Variants in TDRD6 observed in about 807,000 individuals in gnomAD.
TDRD6 encodes tudor domain containing 6.
Under a neutral mutation model 157.5 loss-of-function variants are expected in TDRD6, and 186 were observed. The ratio of observed to expected loss-of-function variants is 1.18; its 90% CI spans 1.05 to 1.33. The LOEUF (loss-of-function observed/expected upper bound fraction) is 1.33. TDRD6 is among the 40% of genes most tolerant of loss of function. TDRD6 has a pLI of 0.00. For synonymous variants in TDRD6, 1,075 were observed against 945.2 expected (o/e 1.14, Z -2.52); for missense variants, 3,066 against 2,508.0 (o/e 1.22, Z -4.75).
At chr6:46,684,365 TTGTGTGTGTG>T (rs56327636), upstream of TDRD6, among the ~76,000 whole-genome samples, 67 of 147,092 alleles carry the variant, frequency 4.6e-4, no homozygotes, top group South Asian at 2.6e-3. Flanking sequence ...AAGCACACAT[TTGTGTGTGTG>T]TGTGTGTGTG....
upstream of TDRD6, among the ~76,000 whole-genome samples, chr6:46,683,735 GT>G (rs35373914): frequency 0.36 from 54,521 of 151,634 alleles, 9,993 homozygotes; most frequent in South Asian, 0.62. Context: ...CTTATTACAT[GT>G]TTCCTGTGGT....
In TDRD6 at chr6:46,691,305, A is replaced by G; in HGVS notation, c.3177A>G (p.Pro1059=). The change falls in exon 1 of 4, where the codon CCA becomes CCG. Residue 1059 remains proline (P), a synonymous_variant. Transcript: ENST00000316081. ...WYRGIVIEKE[P]KKVFFVDFGN... Reference sequence around the variant, plus strand: ...GGGGCATAGTAATAGAGAAAGAGCCAAAGAAAGTCTTCTTTGTTGATTTTG... The same window carrying G: ...GGGGCATAGTAATAGAGAAAGAGCCGAAGAAAGTCTTCTTTGTTGATTTTG... 6.2e-7 allele frequency: 1 copy of G among 1,614,122 alleles called. No individual in the cohort carries two copies. The highest frequency in any genetic ancestry group is 8.5e-7 in the Non-Finnish European group (1 of 1,179,970).
rs537058140 is a variant in TDRD6, at chr6:46,690,867, A to G, written c.2739A>G (p.Ala913=). 93 of 1,613,742 alleles carry G rather than the reference A, an allele frequency of 5.8e-5. No homozygotes were observed. The South Asian group carries it at 6.3e-4, about 11-fold the overall frequency. The change falls in exon 1 of 4, where the codon GCA becomes GCG. Residue 913 remains alanine (A), a synonymous_variant. Transcript: ENST00000316081. Reference sequence around the variant, plus strand: ...CTTTCAATGAATTTATAGATAATGCATGGCAAAAAAATCTAGAATTAAAAT... The same window carrying G: ...CTTTCAATGAATTTATAGATAATGCGTGGCAAAAAAATCTAGAATTAAAAT... ...IQAFNEFIDN[A]WQKNLELKCT...
rs906504767 is a variant in TDRD6 at position 46,690,288 on chromosome 6, A to G, written c.2160A>G (p.Ser720=). The change falls in exon 1 of 4, where the codon TCA becomes TCG. Residue 720 remains serine, a synonymous_variant. Transcript: ENST00000316081. Reference sequence around the variant, plus strand: ...GAGAGAATAAAACCACATCTGTTTCAAAAGCTTTGAGTGACACAACAGTTG... The same window carrying G: ...GAGAGAATAAAACCACATCTGTTTCGAAAGCTTTGAGTGACACAACAGTTG... ...AKRENKTTSV[S]KALSDTTVVT... is the part of the protein sequence containing the mutation. The G allele has an allele frequency of 2.5e-6, 4 of 1,613,472 alleles. No individual in the cohort carries two copies. The South Asian group carries it at 3.3e-5, about 13-fold the overall frequency.
At position 46,692,083 on chromosome 6, in the gene TDRD6, G is replaced by T. The variant is rs1217215655; in HGVS notation, c.3955G>T (p.Asp1319Tyr). The stretch of plus-strand genomic sequence containing the variant: ...TGTTTCTCATATAAATGACCTTTCA[G>T]ACTTTTATGTTCAACTAATAGAAGA... ...VYVSHINDLS[D>Y]FYVQLIEDEA... Residue 1319 changes from aspartate to tyrosine, a missense_variant, in exon 1 of 4, where the codon GAC becomes TAC. Coordinates refer to ENST00000316081, the MANE Select transcript of TDRD6 (RefSeq NM_001010870.3). 6.2e-7 allele frequency: 1 copy of T among 1,612,900 alleles called. No homozygotes were observed. Among genetic ancestry groups the T allele is most frequent in the Non-Finnish European group, 8.5e-7 (1 of 1,179,528 alleles).
Position 46,692,768 on chromosome 6 carries a change from T to C in TDRD6, c.4640T>C (p.Leu1547Ser), listed in dbSNP as rs764741702. The C allele has an allele frequency of 1.2e-6, 2 of 1,613,560 alleles. No individual in the cohort carries two copies. The highest frequency in any genetic ancestry group is 2.2e-5 in the East Asian group (1 of 44,870). ...GCTGATACGGAGAAACTTCAGTGTT[T>C]AGAAGTAGAAGTACAGACTGCTGGA... ...QFADTEKLQC[L>S]EVEVQTAGEQ... is the part of the protein sequence containing the mutation. Residue 1547 changes from leucine to serine, a missense_variant, in exon 1 of 4, where the codon TTA (leucine) becomes TCA (serine). Physicochemically the swap from Leu to Ser is moderately radical, Grantham distance 145. Transcript: ENST00000316081.
chr6:46,684,347 T>C (rs1291551120), upstream of TDRD6, among the ~76,000 whole-genome samples: 2 of 148,820 alleles, frequency 1.3e-5, no homozygotes, highest in Admixed American at 1.4e-4. Context: ...CCAAAGTCAC[T>C]AATTTATAAG....
In TDRD6 at chr6:46,690,067, G is replaced by A. The variant is rs760940782; in HGVS notation, c.1939G>A (p.Asp647Asn). The change falls in exon 1 of 4, where the codon GAC (aspartate) becomes AAC (asparagine). Residue 647 changes from aspartate (D) to asparagine (N), a missense_variant. Asp to Asn is a conservative substitution (Grantham distance 23). Transcript: ENST00000316081. ...QDHQYVIEIL[D>N]ESRTGEENIS... ...TCATCAATATGTTATTGAGATTCTT[G>A]ACGAATCAAGAACAGGGGAAGAAAA... 4 of 1,614,028 alleles carry A rather than the reference G, an allele frequency of 2.5e-6. No homozygotes were observed. In the South Asian group the frequency reaches 3.3e-5, roughly 13 times the overall value.
chr6:46,682,522 ATTAGAAAAGAAGACATG>A, the TDRD6 span, among the ~76,000 whole-genome samples: 1 of 151,924 alleles, frequency 6.6e-6, no homozygotes, highest in Non-Finnish European at 1.5e-5. Flanking sequence ...AGGCACATAT[ATTAGAAAAGAAGACATG>A]GAACTGCCTT....
Position 46,690,919 on chromosome 6 carries a change from A to C in TDRD6, c.2791A>C (p.Asn931His), listed in dbSNP as rs766298927. ...TACAATATTTGCTCTGGCTTCAATT[A>C]ATGAAGAACTGTTTAACATTGTGGA... ...KCTIFALASINEELFNIVDLL... is the reference protein window; with the variant it reads ...KCTIFALASIHEELFNIVDLL... The change falls in exon 1 of 4, where the codon AAT becomes CAT. Residue 931 changes from asparagine (N) to histidine (H), a missense_variant. Asn to His is a moderately conservative substitution (Grantham distance 68). Transcript: ENST00000316081. 5 of 1,614,108 alleles carry C rather than the reference A, an allele frequency of 3.1e-6. No individual in the cohort carries two copies. Among genetic ancestry groups the C allele is most frequent in the Non-Finnish European group, 4.2e-6 (5 of 1,179,982 alleles).
chr6:46,681,580 G>A, the TDRD6 span: 1 of 470,790 alleles, frequency 2.1e-6, no homozygotes, highest in Non-Finnish European at 4.4e-6. Context: ...GATAAAAGCA[G>A]ATGAAGATGC....
In TDRD6 at chr6:46,696,389, G is replaced by A. The variant is rs149264205; in HGVS notation, c.6171+444G>A. On this transcript the variant is annotated intron_variant, in intron 2 of 3. Transcript: ENST00000316081. ...TTCATTATTGTGTAAAACTTATTAG[G>A]GAGCCTGTTGATCGTGTTTCTCCCG... is the stretch of plus-strand genomic sequence containing the variant. 2.8e-3 allele frequency among the ~76,000 whole-genome samples: 409 copies of A among 148,574 alleles called. 2 individuals carry two copies. The highest frequency in any genetic ancestry group is 9.5e-3 in the African/African-American group (384 of 40,262).
At position 46,693,464 on chromosome 6, in the gene TDRD6, G is replaced by T; in HGVS notation, c.5336G>T (p.Gly1779Val). The T allele has an allele frequency of 1.2e-6, 2 of 1,613,914 alleles. No individual in the cohort carries two copies. Among genetic ancestry groups the T allele is most frequent in the Non-Finnish European group, 1.7e-6 (2 of 1,179,986 alleles). ...RDPKTDNICE[G>V]FENPCKDKID... ...CCTAAAACTGATAACATTTGTGAAG[G>T]GTTTGAAAACCCCTGCAAAGATAAA... The change falls in exon 1 of 4, where the codon GGG (glycine) becomes GTG (valine). Residue 1779 changes from glycine (G) to valine (V), a missense_variant. Physicochemically the swap from Gly to Val is moderately radical, Grantham distance 109. Coordinates refer to ENST00000316081, the MANE Select transcript of TDRD6 (RefSeq NM_001010870.3).
At chr6:46,701,265 T>C (rs894749879) in intron 3 of TDRD6, among the ~76,000 whole-genome samples, 18 of 152,184 alleles carry the variant, frequency 1.2e-4, no homozygotes, top group African/African-American at 4.3e-4. Flanking sequence ...TCTTGAAATA[T>C]AGGAAATTTA....
chr6:46,680,339 A>G, the TDRD6 span, among the ~76,000 whole-genome samples: 2 of 152,022 alleles, frequency 1.3e-5, no homozygotes, highest in African/African-American at 2.4e-5. Context: ...AGAAAAAAAA[A>G]AAAAGAAAAG....
Position 46,691,795 on chromosome 6 carries a change from G to T in TDRD6, c.3667G>T (p.Glu1223Ter). 6.2e-7 allele frequency: 1 copy of T among 1,601,382 alleles called. No homozygotes were observed. Among genetic ancestry groups the T allele is most frequent in the South Asian group, 1.1e-5 (1 of 88,524 alleles). Residue 1223 changes from glutamate (E) to a stop codon, truncating the protein, a stop_gained, in exon 1 of 4, where the codon GAA (glutamate) becomes TAA (stop). Transcript: ENST00000316081. LOFTEE classifies it high-confidence loss of function. Reference sequence around the variant, plus strand: ...ACCTCAGATCAACTCATCATACAAGGAACTCAAACTTTTACAAAGTTTAAC... The same window carrying T: ...ACCTCAGATCAACTCATCATACAAGTAACTCAAACTTTTACAAAGTTTAAC... Reference protein sequence around the residue: ...YKPQINSSYKELKLLQSLTKT... With the variant: ...YKPQINSSYK
At chr6:46,700,842 A>C in intron 3 of TDRD6, among the ~76,000 whole-genome samples, 1 of 152,230 alleles carries the variant, frequency 6.6e-6, no homozygotes, top group East Asian at 1.9e-4. Flanking sequence ...AGTACTTGAC[A>C]TGATTCCTCA....
chr6:46,698,706 T>TCCCAA, intron 3 of TDRD6, among the ~76,000 whole-genome samples: 1 of 152,232 alleles, frequency 6.6e-6, no homozygotes, highest in Non-Finnish European at 1.5e-5. Flanking sequence ...TTGTAGCTGT[T>TCCCAA]GATTTTCTTT....
chr6:46,690,326 CAA>C lies in TDRD6; in HGVS notation c.2199_2200del (p.Thr734Ter). ...GACACAACAGTTGTAACAAATGGTT[CAA>C]CTGAACTAGTTGTGCAGGAAAAAGT... On this transcript the variant is annotated frameshift_variant, in exon 1 of 4. Transcript: ENST00000316081. LOFTEE classifies it high-confidence loss of function. The C allele has an allele frequency of 6.2e-7, 1 of 1,613,266 alleles. No individual in the cohort carries two copies. The highest frequency in any genetic ancestry group is 8.5e-7 in the Non-Finnish European group (1 of 1,179,962).
Sources: gnomAD v4.1 joint callset for allele counts (sites outside exome capture counted in the v4.1 genomes callset) on GRCh38, gnomAD v4.1.1 for gene constraint, MANE v1.5 for transcripts, NCBI Gene and HGNC (gene_info 2026-07-23, HGNC 2026-07-21) for gene names.